ADCY9: variants seen among roughly 807,000 people sequenced by gnomAD.
The protein encoded by ADCY9 is adenylate cyclase 9, also known as adenylate cyclase type 9.
In ADCY9, 50 loss-of-function variants were observed where a neutral mutation model predicts 101.5. The observed-to-expected ratio is 0.49, with a 90% CI of 0.39 to 0.62. The LOEUF is 0.62. ADCY9 is among the 20% of genes least tolerant of loss of function. The pLI is 0.00. For missense variants in ADCY9, 1,662 were observed against 1,800.4 expected (o/e 0.92, Z 1.39); for synonymous variants, 905 against 769.3 (o/e 1.18, Z -2.92).
rs1464787899 is a variant in ADCY9 at position 3,963,138 on chromosome 16, ATATATG to A, written c.*2631_*2636del. 19 of 135,856 alleles carry A rather than the reference ATATATG, an allele frequency of 1.4e-4. No homozygotes were observed. Among genetic ancestry groups the A allele is most frequent in the African/African-American group, 5.3e-4 (18 of 34,208 alleles). 8.4% of individuals were successfully genotyped at this position (135,856 alleles called of 1,614,324 possible). On this transcript the variant is annotated 3_prime_UTR_variant, in exon 11 of 11. Coordinates refer to ENST00000294016, the MANE Select transcript of ADCY9 (RefSeq NM_001116.4). The stretch of plus-strand genomic sequence containing the variant: ...TATATATATATATATATATATATAT[ATATATG>A]GATATATAATTCGATCTGAGCTGGG...
intron 3 of ADCY9, among the ~76,000 whole-genome samples, chr16:4,004,770 T>C (rs1193013802): frequency 1.3e-5 from 2 of 152,148 alleles, no homozygotes; most frequent in African/African-American, 4.8e-5. Context: ...ACTGAGAATT[T>C]GGAGACGAGG....
intron 2 of ADCY9, among the ~76,000 whole-genome samples, chr16:4,036,515 T>G (rs1274685893): frequency 7.3e-6 from 1 of 136,256 alleles, no homozygotes; most frequent in African/African-American, 2.7e-5. Context: ...CAGGCTGGAG[T>G]GCAGTGGTGC....
chr16:4,052,120 T>A (rs999728961), intron 2 of ADCY9, among the ~76,000 whole-genome samples: 1 of 152,024 alleles, frequency 6.6e-6, no homozygotes, highest in African/African-American at 2.4e-5. Flanking sequence ...CTGATTCTCA[T>A]CATGAAGGAA....
rs116282920 is a variant in ADCY9 at position 4,042,645 on chromosome 16, A to T, written c.1694-35087T>A. Among the ~76,000 whole-genome samples, 1,379 of 152,292 alleles carry T rather than the reference A, an allele frequency of 9.1e-3. 27 individuals carry two copies. The highest frequency in any genetic ancestry group is 0.031 in the African/African-American group (1,307 of 41,562). ...AATATTAATTATCTGAAAGAGTGGA[A>T]ATGAACATATAGTTATTTTTAGAAT... is the stretch of plus-strand genomic sequence containing the variant. On this transcript the variant is annotated intron_variant, in intron 2 of 10. Coordinates refer to ENST00000294016, the MANE Select transcript of ADCY9 (RefSeq NM_001116.4).
At chr16:4,105,021 A>G (rs2057067110) in intron 2 of ADCY9, among the ~76,000 whole-genome samples, 1 of 151,180 alleles carries the variant, frequency 6.6e-6, no homozygotes, top group Admixed American at 6.6e-5. Context: ...GTAAGCCGAG[A>G]TCGTGCCACT....
chr16:3,996,005 TATC>T (rs2056283853), intron 3 of ADCY9, among the ~76,000 whole-genome samples: 1 of 152,226 alleles, frequency 6.6e-6, no homozygotes, highest in Non-Finnish European at 1.5e-5. Flanking sequence ...ATGTTCTAGT[TATC>T]AATAACATAC....
At chr16:4,112,756 C>A (rs1453588726) in intron 2 of ADCY9, among the ~76,000 whole-genome samples, 1 of 152,072 alleles carries the variant, frequency 6.6e-6, no homozygotes, top group Non-Finnish European at 1.5e-5. Context: ...CATACTTCCA[C>A]AACAGATGTT....
chr16:4,107,949 G>A (rs2141206687), intron 2 of ADCY9, among the ~76,000 whole-genome samples: 1 of 152,312 alleles, frequency 6.6e-6, no homozygotes, highest in East Asian at 1.9e-4. Flanking sequence ...GTGACAATCT[G>A]CCCAAATGCA....
intron 2 of ADCY9, among the ~76,000 whole-genome samples, chr16:4,032,514 T>TTC (rs920818601): frequency 1.3e-5 from 2 of 148,916 alleles, no homozygotes; most frequent in Non-Finnish European, 3.0e-5. Context: ...TCACACAATT[T>TTC]TTTTTTTTTT....
At chr16:4,055,944 C>G (rs1349339877) in intron 2 of ADCY9, among the ~76,000 whole-genome samples, 1 of 152,148 alleles carries the variant, frequency 6.6e-6, no homozygotes, top group African/African-American at 2.4e-5. Context: ...AGACAGCTCC[C>G]ACAAGTACAA....
At chr16:4,078,562 GAA>G (rs796262600) in intron 2 of ADCY9, among the ~76,000 whole-genome samples, 2 of 65,770 alleles carry the variant, frequency 3.0e-5, no homozygotes, top group African/African-American at 9.4e-5. Flanking sequence ...CTCAAAAAAA[GAA>G]AAAAAAAAAA....
intron 10 of ADCY9, among the ~76,000 whole-genome samples, chr16:3,970,819 T>C (rs1175593185): frequency 2.0e-5 from 3 of 152,210 alleles, no homozygotes; most frequent in Non-Finnish European, 4.4e-5. Flanking sequence ...TTTCAGAATC[T>C]TGGGTAAGCC....
chr16:3,986,584 A>G (rs911031049), intron 6 of ADCY9, among the ~76,000 whole-genome samples: 8 of 151,946 alleles, frequency 5.3e-5, no homozygotes, highest in African/African-American at 1.7e-4. Context: ...CAGCTTCCCA[A>G]GTAGCTGGGA....
At chr16:3,997,832 C>G (rs977474676) in intron 3 of ADCY9, among the ~76,000 whole-genome samples, 6 of 151,970 alleles carry the variant, frequency 3.9e-5, no homozygotes, top group African/African-American at 1.5e-4. Flanking sequence ...AGTGGCTCAT[C>G]CCTGTAATCC....
intron 10 of ADCY9, among the ~76,000 whole-genome samples, chr16:3,970,952 A>C (rs553068142): frequency 6.6e-6 from 1 of 152,176 alleles, no homozygotes; most frequent in Non-Finnish European, 1.5e-5. Flanking sequence ...ATCCTTGGAA[A>C]GACCTGCCTG....
chr16:4,115,366 T>C lies in ADCY9; in HGVS notation c.77A>G (p.Asn26Ser), dbSNP rs781065829. The change falls in exon 2 of 11, where the codon AAC becomes AGC. Residue 26 changes from asparagine to serine, a missense_variant. Asn to Ser is a conservative substitution (Grantham distance 46). Around this residue, in one of 5 missense-constraint regions of ADCY9, gnomAD observed 422 missense variants for 392.0 expected, o/e 1.08. Coordinates refer to ENST00000294016, the MANE Select transcript of ADCY9 (RefSeq NM_001116.4). This position sits in a 1 kb window ranked among gnomAD's most constrained non-coding sequence, Gnocchi z 6.2. The stretch of plus-strand genomic sequence containing the variant: ...GGGGTTGATCTTGACGCGCACGCTG[T>C]TGCTGTCCCCGCTGGAGTCGCAGCT... ...EVSCDSSGDS[N>S]SVRVKINPKQ... is the part of the protein sequence containing the mutation. The C allele has an allele frequency of 1.9e-6, 3 of 1,609,832 alleles. No individual in the cohort carries two copies. The highest frequency in any genetic ancestry group is 1.1e-5 in the South Asian group (1 of 90,386).
At chr16:3,977,437 G>A in intron 9 of ADCY9, 45 bp downstream of exon 9, 1 of 1,534,468 alleles carries the variant, frequency 6.5e-7, no homozygotes, top group Non-Finnish European at 8.8e-7. Flanking sequence ...CCTCGGGCAA[G>A]GTGGCCACGC....
chr16:3,972,317 C>T (rs1332586365), intron 10 of ADCY9, among the ~76,000 whole-genome samples: 1 of 151,756 alleles, frequency 6.6e-6, no homozygotes, highest in Non-Finnish European at 1.5e-5. Flanking sequence ...GCAACCTCTG[C>T]CTCCCGGGTT....
At chr16:4,047,097 T>A (rs28645979) in intron 2 of ADCY9, among the ~76,000 whole-genome samples, 5 of 152,184 alleles carry the variant, frequency 3.3e-5, no homozygotes, top group Non-Finnish European at 5.9e-5. Flanking sequence ...TAGGCAGACA[T>A]TGAATGCTAA....
Sources: gnomAD v4.1 joint callset for allele counts (sites outside exome capture counted in the v4.1 genomes callset) on GRCh38, gnomAD v4.1.1 for gene constraint, gnomAD v4.1.1 regional missense constraint, Gnocchi (gnomAD v3.1) non-coding constraint, MANE v1.5 for transcripts, NCBI Gene and HGNC (gene_info 2026-07-23, HGNC 2026-07-21) for gene names.